MFSD6: variants seen among roughly 807,000 people sequenced by gnomAD.
MFSD6 encodes the protein major facilitator superfamily domain containing 6, also known as major facilitator superfamily domain-containing protein 6.
A neutral mutation model predicts 56.3 loss-of-function variants in MFSD6; 26 were observed. That is an observed-to-expected ratio of 0.46 (90% CI 0.34 to 0.64). The LOEUF is 0.64. Ranked by LOEUF, MFSD6 falls within the 30% of genes least tolerant of loss-of-function variation. The pLI is 0.01. For missense variants in MFSD6, 750 were observed against 986.2 expected (o/e 0.76, Z 3.21); for synonymous variants, 331 against 366.9 (o/e 0.90, Z 1.12).
chr2:190,479,407 G>A (rs184510047), intron 4 of MFSD6, among the ~76,000 whole-genome samples: 39 of 152,266 alleles, frequency 2.6e-4, no homozygotes, highest in African/African-American at 8.2e-4. Context: ...GGGAGTCTAC[G>A]TGCCTAAAAG....
chr2:190,483,383 T>A (rs946857261), intron 4 of MFSD6, among the ~76,000 whole-genome samples: 1 of 152,180 alleles, frequency 6.6e-6, no homozygotes, highest in Non-Finnish European at 1.5e-5. Context: ...AACTCTCTTC[T>A]CTGTGTGACT....
chr2:190,451,257 G>T lies in MFSD6; in HGVS notation c.1532+13696G>T, dbSNP rs937819317. ...TAATTTTAGCTTTGTTAAGCCTCAGGTTCCTCATTGGTAAAACGGGGCAAT... is the reference window on the plus strand; with the variant it reads ...TAATTTTAGCTTTGTTAAGCCTCAGTTTCCTCATTGGTAAAACGGGGCAAT... On this transcript the variant is annotated intron_variant, in intron 3 of 7. Transcript: ENST00000392328. The surrounding 1 kb of genome is among the most constrained non-coding windows in gnomAD (Gnocchi z 5.0). 6.6e-6 allele frequency among the ~76,000 whole-genome samples: 1 copy of T among 152,132 alleles called. No homozygotes were observed. Among genetic ancestry groups the T allele is most frequent in the Non-Finnish European group, 1.5e-5 (1 of 68,028 alleles).
In MFSD6 at chr2:190,497,758, C is replaced by T; in HGVS notation, c.2172+39C>T. The T allele has an allele frequency of 6.4e-7, 1 of 1,569,968 alleles. No homozygotes were observed. The highest frequency in any genetic ancestry group is 8.7e-7 in the Non-Finnish European group (1 of 1,148,640). On this transcript the variant is annotated intron_variant, in intron 7 of 7. Transcript: ENST00000392328. This position sits in a 1 kb window ranked among gnomAD's most constrained non-coding sequence, Gnocchi z 5.2. ...GCTGGGCTAGCAATATTACCTGTCACTCAAGATACCTTAACTGGGCTCAGT... is the reference window on the plus strand; with the variant it reads ...GCTGGGCTAGCAATATTACCTGTCATTCAAGATACCTTAACTGGGCTCAGT...
At position 190,490,798 on chromosome 2, in the gene MFSD6, A is replaced by G. The variant is rs964219491; in HGVS notation, c.1891+932A>G. ...AGAGCTCATCTTCTTTGGGTGTCCT[A>G]TCCTTTGCGGAGCATTAGCCTCAGG... On this transcript the variant is annotated intron_variant, in intron 6 of 7. Transcript: ENST00000392328. This position sits in a 1 kb window ranked among gnomAD's most constrained non-coding sequence, Gnocchi z 4.5. Among the ~76,000 whole-genome samples the G allele has an allele frequency of 6.6e-6, 1 of 152,224 alleles. No homozygotes were observed. The highest frequency in any genetic ancestry group is 1.5e-5 in the Non-Finnish European group (1 of 68,042).
rs934043370 is a variant in MFSD6 at position 190,456,009 on chromosome 2, C to T, written c.1533-13749C>T. Among the ~76,000 whole-genome samples the T allele has an allele frequency of 6.4e-5, 8 of 125,422 alleles. No homozygotes were observed. The highest frequency in any genetic ancestry group is 2.4e-4 in the African/African-American group (8 of 32,998). 82.3% of individuals were successfully genotyped at this position (125,422 alleles called of 152,430 possible). On this transcript the variant is annotated intron_variant, in intron 3 of 7. Transcript: ENST00000392328. This position sits in a 1 kb window ranked among gnomAD's most constrained non-coding sequence, Gnocchi z 5.4. ...AGGCTGAAGTGCAGCGGCATGATCT[C>T]GGCTCACTGCAACCTCTGCCTCCTG...
At chr2:190,453,429 G>A (rs1483514001) in intron 3 of MFSD6, among the ~76,000 whole-genome samples, 2 of 152,130 alleles carry the variant, frequency 1.3e-5, no homozygotes, top group Non-Finnish European at 1.5e-5. Flanking sequence ...CAGAAACATT[G>A]GCATGTAGAG....
chr2:190,482,115 T>C lies in MFSD6; in HGVS notation c.1631-6542T>C, dbSNP rs369864897. Reference sequence around the variant, plus strand: ...TGGGTCAGGTGCAGAGGTGTGTCACTCCCTTCTCTGTCAGCTGGATATTGA... The same window carrying C: ...TGGGTCAGGTGCAGAGGTGTGTCACCCCCTTCTCTGTCAGCTGGATATTGA... On this transcript the variant is annotated intron_variant, in intron 4 of 7. Transcript: ENST00000392328. Among the ~76,000 whole-genome samples the C allele has an allele frequency of 8.5e-5, 13 of 152,294 alleles. 2 individuals carry two copies. The highest frequency in any genetic ancestry group is 2.9e-4 in the African/African-American group (12 of 41,570).
rs990957646 is a variant in MFSD6, at chr2:190,425,362, C to T, written c.-54+9949C>T. ...CTATTGCACTGGTGAGAACTTCCAGCATTGTGTTGCATAAGAATGATGAGA... is the reference window on the plus strand; with the variant it reads ...CTATTGCACTGGTGAGAACTTCCAGTATTGTGTTGCATAAGAATGATGAGA... On this transcript the variant is annotated intron_variant, in intron 2 of 7. Coordinates refer to ENST00000392328, the MANE Select transcript of MFSD6 (RefSeq NM_017694.4). This position sits in a 1 kb window ranked among gnomAD's most constrained non-coding sequence, Gnocchi z 4.3. Among the ~76,000 whole-genome samples the T allele has an allele frequency of 6.6e-6, 1 of 152,132 alleles. No individual in the cohort carries two copies. Among genetic ancestry groups the T allele is most frequent in the Non-Finnish European group, 1.5e-5 (1 of 68,022 alleles).
At chr2:190,450,076 T>C (rs934957065) in intron 3 of MFSD6, among the ~76,000 whole-genome samples, 1 of 152,122 alleles carries the variant, frequency 6.6e-6, no homozygotes, top group Non-Finnish European at 1.5e-5. Context: ...CCAAGTGATG[T>C]CCCAAAGCTC....
In MFSD6 at chr2:190,458,891, C is replaced by T. The variant is rs996995894; in HGVS notation, c.1533-10867C>T. Among the ~76,000 whole-genome samples the T allele has an allele frequency of 2.6e-5, 4 of 152,156 alleles. No homozygotes were observed. Among genetic ancestry groups the T allele is most frequent in the African/African-American group, 9.7e-5 (4 of 41,446 alleles). ...GGCAGGCTTACTCATAAGGCCTGCGCCAGAGGTCCCAGGCAGCTCTAGGAT... is the reference window on the plus strand; with the variant it reads ...GGCAGGCTTACTCATAAGGCCTGCGTCAGAGGTCCCAGGCAGCTCTAGGAT... On this transcript the variant is annotated intron_variant, in intron 3 of 7. Transcript: ENST00000392328. This position sits in a 1 kb window ranked among gnomAD's most constrained non-coding sequence, Gnocchi z 5.3.
At position 190,431,948 on chromosome 2, in the gene MFSD6, T is replaced by G. The variant is rs1559107967; in HGVS notation, c.-53-4029T>G. On this transcript the variant is annotated intron_variant, in intron 2 of 7. Transcript: ENST00000392328. The surrounding 1 kb of genome is among the most constrained non-coding windows in gnomAD (Gnocchi z 4.4). ...TTCATAGTTGCATAATCTTCTCTTA[T>G]TTCTGAAGATAATCATATATTCAAA... Among the ~76,000 whole-genome samples, 1 of 152,254 alleles carries G rather than the reference T, an allele frequency of 6.6e-6. No individual in the cohort carries two copies. Among genetic ancestry groups the G allele is most frequent in the Admixed American group, 6.5e-5 (1 of 15,290 alleles).
intron 2 of MFSD6, among the ~76,000 whole-genome samples, chr2:190,420,813 C>T (rs1024597141): frequency 6.6e-6 from 1 of 151,910 alleles, no homozygotes; most frequent in African/African-American, 2.4e-5. Flanking sequence ...CTAAATATGA[C>T]CTGAAAATAT....
chr2:190,437,691 A>G lies in MFSD6; in HGVS notation c.1532+130A>G. On this transcript the variant is annotated intron_variant, in intron 3 of 7. Coordinates refer to ENST00000392328, the MANE Select transcript of MFSD6 (RefSeq NM_017694.4). The surrounding 1 kb of genome is among the most constrained non-coding windows in gnomAD (Gnocchi z 5.9). Reference sequence around the variant, plus strand: ...GGATAGGGTTGGAGTGGAAATGGGGATTTCTGTTTCTTTTCCTCCTTAAAA... The same window carrying G: ...GGATAGGGTTGGAGTGGAAATGGGGGTTTCTGTTTCTTTTCCTCCTTAAAA... 1.8e-6 allele frequency: 2 copies of G among 1,117,188 alleles called. No homozygotes were observed. Among genetic ancestry groups the G allele is most frequent in the Non-Finnish European group, 2.5e-6 (2 of 805,830 alleles). The allele number at this position is 1,117,188 out of a possible 1,614,324, so 69.2% of individuals were successfully genotyped here. A position where few individuals can be genotyped will look rare whatever the true frequency, so the allele number is the denominator to read the frequency against.
intron 4 of MFSD6, among the ~76,000 whole-genome samples, chr2:190,483,049 G>A (rs541495091): frequency 1.6e-3 from 241 of 150,478 alleles, no homozygotes; most frequent in Middle Eastern, 3.4e-3. Flanking sequence ...CTGCCACCGC[G>A]CCCGGCTAAT....
Position 190,424,588 on chromosome 2 carries a change from G to A in MFSD6, c.-54+9175G>A, listed in dbSNP as rs1685731688. 6.6e-6 allele frequency among the ~76,000 whole-genome samples: 1 copy of A among 152,098 alleles called. No homozygotes were observed. The highest frequency in any genetic ancestry group is 2.1e-4 in the South Asian group (1 of 4,828). ...GACCTCAGGTGATCCGTCCACCTCG[G>A]CCACCAAAGTGCTGGGATTACAGGC... On this transcript the variant is annotated intron_variant, in intron 2 of 7. Coordinates refer to ENST00000392328, the MANE Select transcript of MFSD6 (RefSeq NM_017694.4). This position sits in a 1 kb window ranked among gnomAD's most constrained non-coding sequence, Gnocchi z 5.9.
rs1181855425 is a variant in MFSD6 at position 190,433,999 on chromosome 2, T to A, written c.-53-1978T>A. Among the ~76,000 whole-genome samples, 1 of 151,934 alleles carries A rather than the reference T, an allele frequency of 6.6e-6. No homozygotes were observed. The highest frequency in any genetic ancestry group is 1.5e-5 in the Non-Finnish European group (1 of 67,964). On this transcript the variant is annotated intron_variant, in intron 2 of 7. Transcript: ENST00000392328. The surrounding 1 kb of genome is among the most constrained non-coding windows in gnomAD (Gnocchi z 4.5). Reference sequence around the variant, plus strand: ...TGAGCCCAGGAGTTGGAGAACGGCCTGGGCAACATGGCAAAAACCCCATCT... The same window carrying A: ...TGAGCCCAGGAGTTGGAGAACGGCCAGGGCAACATGGCAAAAACCCCATCT...
rs1217746946 is a variant in MFSD6, at chr2:190,491,670, G to A, written c.1891+1804G>A. On this transcript the variant is annotated intron_variant, in intron 6 of 7. Transcript: ENST00000392328. The surrounding 1 kb of genome is among the most constrained non-coding windows in gnomAD (Gnocchi z 4.2). ...AAAGAATTGAACAGCAGCCTTGAGT[G>A]CCAGCCCTTCCCTCTGCCATAGCCT... Among the ~76,000 whole-genome samples, 5 of 152,168 alleles carry A rather than the reference G, an allele frequency of 3.3e-5. No individual in the cohort carries two copies. In the East Asian group the frequency reaches 9.6e-4, roughly 29 times the overall value.
rs963493090 is a variant in MFSD6, at chr2:190,469,436, C to G, written c.1533-322C>G. ...CATTACTGATGGCAGTGCGCCCAGA[C>G]TATCTTAAAAAAGCATCATCTCTGC... On this transcript the variant is annotated intron_variant, in intron 3 of 7. Transcript: ENST00000392328. The surrounding 1 kb of genome is among the most constrained non-coding windows in gnomAD (Gnocchi z 5.3). 1 of 157,594 alleles carries G rather than the reference C, an allele frequency of 6.3e-6. No individual in the cohort carries two copies. Among genetic ancestry groups the G allele is most frequent in the Non-Finnish European group, 1.4e-5 (1 of 72,184 alleles). 9.8% of individuals were successfully genotyped at this position (157,594 alleles called of 1,614,324 possible). A position where few individuals can be genotyped will look rare whatever the true frequency, so the allele number is the denominator to read the frequency against.
rs370537430 is a variant in MFSD6 at position 190,411,159 on chromosome 2, TAG to T, written c.-176+2657_-176+2658del. 4.0e-3 allele frequency: 2,785 copies of T among 690,878 alleles called. 7 individuals carry two copies. Among genetic ancestry groups the T allele is most frequent in the Middle Eastern group, 5.5e-3 (7 of 1,264 alleles). 42.8% of individuals were successfully genotyped at this position (690,878 alleles called of 1,614,324 possible). A position where few individuals can be genotyped will look rare whatever the true frequency, so the allele number is the denominator to read the frequency against. ...CTTTTTGTCCCCAAACTGTTGACAGTAGTTTTTTTTTTTTTTTTTCAGACAGA... is the reference window on the plus strand; with the variant it reads ...CTTTTTGTCCCCAAACTGTTGACAGTTTTTTTTTTTTTTTTTTCAGACAGA... On this transcript the variant is annotated intron_variant, in intron 1 of 7. Transcript: ENST00000392328.
Sources: allele counts gnomAD v4.1 joint callset (sites outside exome capture counted in the v4.1 genomes callset), GRCh38; gene constraint gnomAD v4.1.1; non-coding constraint Gnocchi (gnomAD v3.1); transcripts MANE v1.5; gene names NCBI Gene and HGNC (gene_info 2026-07-23, HGNC 2026-07-21).